Variants in CBR4 observed in about 807,000 individuals in gnomAD.
CBR4 encodes carbonyl reductase 4, also known as 3-oxoacyl-[acyl-carrier-protein] reductase.
Under a neutral mutation model 21.0 loss-of-function variants are expected in CBR4, and 22 were observed. The ratio of observed to expected loss-of-function variants is 1.05; its 90% CI spans 0.75 to 1.50. The LOEUF is 1.50. Among genes scored for constraint, CBR4 ranks in the 40% most tolerant of loss-of-function variants. The probability of loss-of-function intolerance (pLI) is 0.00; values close to 1 mark genes in which losing one functional copy is unlikely to be tolerated. For missense variants in CBR4, 302 were observed against 286.3 expected, an observed-to-expected ratio of 1.05 and a Z score of -0.40; for synonymous variants, 100 against 104.4, an observed-to-expected ratio of 0.96 and a Z score of 0.26.
chr4:168,901,873 ACTACT>A (rs1756599419), intron 2 of CBR4, among the ~76,000 whole-genome samples: 2 of 152,188 alleles, frequency 1.3e-5, no homozygotes, highest in African/African-American at 4.8e-5. Flanking sequence ...AAGAAAGTCA[ACTACT>A]AAAAAGTAAA....
intron 2 of CBR4, among the ~76,000 whole-genome samples, chr4:168,945,870 G>T (rs756112906): frequency 6.6e-6 from 1 of 152,072 alleles, no homozygotes; most frequent in Non-Finnish European, 1.5e-5. Flanking sequence ...GGAGACAAAC[G>T]CTAGAAAGCA....
chr4:168,909,539 G>A (rs973792472), intron 2 of CBR4, among the ~76,000 whole-genome samples: 2 of 152,232 alleles, frequency 1.3e-5, no homozygotes, highest in African/African-American at 4.8e-5. Flanking sequence ...TAAAATGTTA[G>A]TTTGTTGCTT....
At chr4:168,951,656 T>C (rs2126703819) in intron 2 of CBR4, among the ~76,000 whole-genome samples, 1 of 152,324 alleles carries the variant, frequency 6.6e-6, no homozygotes, top group African/African-American at 2.4e-5. Flanking sequence ...AAAGACTATC[T>C]TTCCCACATA....
At chr4:168,924,610 G>C (rs192510579) in intron 2 of CBR4, among the ~76,000 whole-genome samples, 5 of 152,230 alleles carry the variant, frequency 3.3e-5, no homozygotes, top group African/African-American at 7.2e-5. Context: ...GGAAGCTATG[G>C]GTGTTTGATC....
intron 2 of CBR4, among the ~76,000 whole-genome samples, chr4:168,912,409 G>C (rs1197812559): frequency 6.6e-6 from 1 of 152,120 alleles, no homozygotes; most frequent in Non-Finnish European, 1.5e-5. Flanking sequence ...TCTTCTGAGA[G>C]AGTGAAGGAG....
At chr4:168,950,203 T>C (rs546584431) in intron 2 of CBR4, among the ~76,000 whole-genome samples, 1 of 152,280 alleles carries the variant, frequency 6.6e-6, no homozygotes, top group Admixed American at 6.5e-5. Flanking sequence ...TTCCTTGAGG[T>C]GTGGCCTTAG....
rs551635769 is a variant in CBR4, at chr4:168,943,521, T to A, written n.170-48756A>T. Among the ~76,000 whole-genome samples, 9 of 152,348 alleles carry A rather than the reference T, an allele frequency of 5.9e-5. No individual in the cohort carries two copies. The South Asian group carries it at 1.9e-3, about 32-fold the overall frequency. On this transcript the variant is annotated intron_variant and non_coding_transcript_variant, in intron 2 of 3. Coordinates refer to the CBR4 transcript ENST00000509108. The stretch of plus-strand genomic sequence containing the variant: ...GAGCAGAGCTCTAAAAGGTCCTCCA[T>A]AATCTTTTACATCATAACCATCAAA...
At chr4:168,975,939 G>A (rs1764358426) in intron 2 of CBR4, among the ~76,000 whole-genome samples, 1 of 152,096 alleles carries the variant, frequency 6.6e-6, no homozygotes. Flanking sequence ...CTCCCACCAT[G>A]CCTCCCTAAC....
At chr4:168,896,632 C>G in intron 2 of CBR4, 1 of 1,254,532 alleles carries the variant, frequency 8.0e-7, no homozygotes, top group Non-Finnish European at 1.1e-6. Flanking sequence ...TCCTTCCAGT[C>G]TTTCTCTGTG....
At chr4:168,919,540 G>T (rs1760992766) in intron 2 of CBR4, among the ~76,000 whole-genome samples, 1 of 149,200 alleles carries the variant, frequency 6.7e-6, no homozygotes, top group Non-Finnish European at 1.5e-5. Context: ...AAAAAAAAGT[G>T]AAAAACCTTG....
At chr4:169,005,567 A>G (rs1418137101) in intron 3 of CBR4, among the ~76,000 whole-genome samples, 1 of 152,216 alleles carries the variant, frequency 6.6e-6, no homozygotes, top group Non-Finnish European at 1.5e-5. Context: ...TTTTAAATAC[A>G]CCTAAAAAAA....
At chr4:168,981,168 G>A (rs1338693842) in intron 2 of CBR4, among the ~76,000 whole-genome samples, 1 of 152,202 alleles carries the variant, frequency 6.6e-6, no homozygotes. Flanking sequence ...GGGAGGCCGA[G>A]GTGGATGGAT....
intron 2 of CBR4, among the ~76,000 whole-genome samples, chr4:168,906,402 T>G (rs957506568): frequency 6.6e-6 from 1 of 152,188 alleles, no homozygotes; most frequent in Non-Finnish European, 1.5e-5. Flanking sequence ...GACTCAGTGC[T>G]CATGGCCAAT....
At chr4:168,904,519 G>A (rs1422893182) in intron 2 of CBR4, among the ~76,000 whole-genome samples, 1 of 152,120 alleles carries the variant, frequency 6.6e-6, no homozygotes, top group African/African-American at 2.4e-5. Context: ...GTTCGAGCCT[G>A]CAAATTCTTT....
At chr4:168,922,364 A>G (rs1235843566) in intron 2 of CBR4, among the ~76,000 whole-genome samples, 1 of 152,228 alleles carries the variant, frequency 6.6e-6, no homozygotes, top group Non-Finnish European at 1.5e-5. Context: ...TTAAGAAAGA[A>G]CATAACAAAA....
intron 2 of CBR4, chr4:168,898,358 T>C (rs1755717717): frequency 2.9e-6 from 2 of 700,864 alleles, no homozygotes; most frequent in African/African-American, 3.5e-5. Flanking sequence ...TGCAATTGAA[T>C]TGGGCTCAGA....
intron 4 of CBR4, chr4:169,001,813 G>A (rs548258511): frequency 6.6e-5 from 14 of 212,124 alleles, no homozygotes; most frequent in African/African-American, 1.6e-4. Context: ...CTGCAGGCCC[G>A]AGAGCCAAAT....
At chr4:168,966,424 G>A (rs1463531397) in intron 2 of CBR4, among the ~76,000 whole-genome samples, 1 of 151,506 alleles carries the variant, frequency 6.6e-6, no homozygotes, top group Non-Finnish European at 1.5e-5. Context: ...CTACTCGGGA[G>A]GCTGAGGCAG....
chr4:168,911,561 T>C (rs1319576292), intron 2 of CBR4, among the ~76,000 whole-genome samples: 13 of 152,232 alleles, frequency 8.5e-5, no homozygotes, highest in Admixed American at 7.9e-4. Flanking sequence ...ATGTGTTATC[T>C]TGTATGATGC....
Sources: gnomAD v4.1 joint callset for allele counts (sites outside exome capture counted in the v4.1 genomes callset) on GRCh38, gnomAD v4.1.1 for gene constraint, MANE v1.5 for transcripts, NCBI Gene and HGNC (gene_info 2026-07-23, HGNC 2026-07-21) for gene names.